The following NEDD4 variants were observed in gnomAD, a reference collection of about 807,000 sequenced individuals.
The protein encoded by NEDD4 is NEDD4 E3 ubiquitin protein ligase, also known as E3 ubiquitin-protein ligase NEDD4.
NEDD4 carries 99 observed loss-of-function variants against 144.9 expected under a neutral mutation model. The observed-to-expected ratio is 0.68, with a 90% CI of 0.58 to 0.81. NEDD4 has a LOEUF of 0.81. NEDD4 is among the 30% of genes least tolerant of loss of function. The pLI, the probability that NEDD4 is intolerant of heterozygous loss-of-function variation, is 0.00. For synonymous variants in NEDD4, 318 were observed against 350.6 expected, an observed-to-expected ratio of 0.91 and a Z score of 1.04; for missense variants, 985 against 1,065.9, an observed-to-expected ratio of 0.92 and a Z score of 1.06.
chr15:55,892,126 C>A (rs530199510), intron 5 of NEDD4, among the ~76,000 whole-genome samples: 1 of 151,652 alleles, frequency 6.6e-6, no homozygotes, highest in Non-Finnish European at 1.5e-5. Flanking sequence ...ATTAGCCAGG[C>A]GTGGTGGTGG....
chr15:55,856,974 G>T (rs1171061462), intron 11 of NEDD4, among the ~76,000 whole-genome samples: 1 of 152,198 alleles, frequency 6.6e-6, no homozygotes, highest in Non-Finnish European at 1.5e-5. Flanking sequence ...GGAGACTGGT[G>T]AAATGCCTTA....
rs754586873 is a variant in NEDD4, at chr15:55,860,419, T to G, written c.948A>C (p.Pro316=). Residue 316 remains proline, a synonymous_variant, in exon 11 of 29, where the codon CCA becomes CCC. Coordinates refer to ENST00000435532, the MANE Select transcript of NEDD4 (RefSeq NM_006154.4). ...AAGAGCATCTTACTGAGCTCGATGCTGGCTGGCTCACGGCTGAATTTCCAA... is the reference window on the plus strand; with the variant it reads ...AAGAGCATCTTACTGAGCTCGATGCGGGCTGGCTCACGGCTGAATTTCCAA... ...TIFGNSAVSQ[P]ASSSNHSSRR... is the part of the protein sequence containing the mutation. 5.0e-6 allele frequency: 8 copies of G among 1,614,010 alleles called. No individual in the cohort carries two copies. Among genetic ancestry groups the G allele is most frequent in the South Asian group, 2.2e-5 (2 of 91,066 alleles).
At chr15:55,943,159 T>A (rs1251684345) in intron 4 of NEDD4, among the ~76,000 whole-genome samples, 3 of 152,184 alleles carry the variant, frequency 2.0e-5, no homozygotes, top group Non-Finnish European at 4.4e-5. Context: ...ACAGAAATGA[T>A]CTGAAACTGG....
intron 5 of NEDD4, among the ~76,000 whole-genome samples, chr15:55,912,556 G>A (rs1169224399): frequency 2.0e-5 from 3 of 152,014 alleles, no homozygotes; most frequent in African/African-American, 7.2e-5. Context: ...AAATAATAGG[G>A]TACTGAAATC....
At chr15:55,905,277 C>T in intron 5 of NEDD4, 1 of 455,860 alleles carries the variant, frequency 2.2e-6, no homozygotes, top group Non-Finnish European at 4.4e-6. Context: ...TGTCACTAAC[C>T]ATGGCTGTAA....
chr15:55,915,143 TA>T, intron 5 of NEDD4: 1 of 638,852 alleles, frequency 1.6e-6, no homozygotes. Context: ...TTTACAAATA[TA>T]AAATTTATGA....
intron 11 of NEDD4, among the ~76,000 whole-genome samples, chr15:55,858,453 G>A (rs1286725963): frequency 1.3e-5 from 2 of 152,048 alleles, no homozygotes; most frequent in Non-Finnish European, 2.9e-5. Flanking sequence ...GATTACAGGT[G>A]TGCACCACCA....
intron 2 of NEDD4, 122 bp from the exon 3 acceptor site, chr15:55,951,711 A>T: frequency 1.3e-6 from 1 of 751,066 alleles, no homozygotes; most frequent in Admixed American, 4.0e-5. Context: ...TATTTCCTGA[A>T]TTTAAAAGTC....
At chr15:55,980,284 G>A (rs1165066751) in intron 1 of NEDD4, among the ~76,000 whole-genome samples, 1 of 152,092 alleles carries the variant, frequency 6.6e-6, no homozygotes, top group Non-Finnish European at 1.5e-5. Context: ...AATACTTGGC[G>A]CACAGTAGGG....
intron 22 of NEDD4, 88 bp downstream of exon 22, chr15:55,838,421 G>T: frequency 3.2e-6 from 3 of 927,474 alleles, no homozygotes; most frequent in Non-Finnish European, 5.1e-6. Flanking sequence ...TAAAAACAGA[G>T]CCTAGGAATG....
intron 5 of NEDD4, among the ~76,000 whole-genome samples, chr15:55,900,861 A>G (rs535384741): frequency 1.6e-4 from 24 of 152,206 alleles, no homozygotes; most frequent in Non-Finnish European, 2.9e-4. Flanking sequence ...TATTAATAAT[A>G]TTTTGTTTAA....
Position 55,970,848 on chromosome 15 carries a change from G to T in NEDD4, c.46-4302C>A, listed in dbSNP as rs747826064. Among the ~76,000 whole-genome samples, 4 of 152,146 alleles carry T rather than the reference G, an allele frequency of 2.6e-5. 1 individual carries two copies. The highest frequency in any genetic ancestry group is 5.9e-5 in the Non-Finnish European group (4 of 68,028). On this transcript the variant is annotated intron_variant, in intron 1 of 28. Coordinates refer to ENST00000435532, the MANE Select transcript of NEDD4 (RefSeq NM_006154.4). ...AAACCAGCCCAGACTGTGAAGATTA[G>T]AATAAATACCTAACTCTTTAATGTT... is the stretch of plus-strand genomic sequence containing the variant.
chr15:55,950,442 A>C (rs556134625), intron 4 of NEDD4, among the ~76,000 whole-genome samples: 1 of 152,354 alleles, frequency 6.6e-6, no homozygotes, highest in African/African-American at 2.4e-5. Flanking sequence ...GAAGTACAGA[A>C]GAACGGCTTC....
chr15:55,924,487 G>C lies in NEDD4; in HGVS notation c.291+159C>G, dbSNP rs1229571857. The C allele has an allele frequency of 2.3e-5, 14 of 614,314 alleles. No homozygotes were observed. The East Asian group carries it at 3.9e-4, about 17-fold the overall frequency. The allele number at this position is 614,314 out of a possible 1,614,324, so 38.1% of individuals were successfully genotyped here. ...GGAAAGGGAGCGAGTAGGACCAGGAGGAAGAAAACAAATTCTATCTCCCTC... is the reference window on the plus strand; with the variant it reads ...GGAAAGGGAGCGAGTAGGACCAGGACGAAGAAAACAAATTCTATCTCCCTC... On this transcript the variant is annotated intron_variant, in intron 5 of 28. Transcript: ENST00000435532.
At chr15:55,968,605 C>T (rs1169036910) in intron 1 of NEDD4, among the ~76,000 whole-genome samples, 2 of 152,076 alleles carry the variant, frequency 1.3e-5, no homozygotes, top group Non-Finnish European at 2.9e-5. Flanking sequence ...GTACAAGATA[C>T]CATATAGAAT....
At chr15:55,924,839 G>A in intron 4 of NEDD4, 140 bp from the exon 5 acceptor site, 2 of 727,392 alleles carry the variant, frequency 2.7e-6, no homozygotes, top group Non-Finnish European at 4.6e-6. Flanking sequence ...AGGCCGAGGT[G>A]GGTGGATCGC....
At chr15:55,955,418 C>T (rs1280228860) in intron 2 of NEDD4, among the ~76,000 whole-genome samples, 3 of 152,122 alleles carry the variant, frequency 2.0e-5, no homozygotes, top group African/African-American at 4.8e-5. Flanking sequence ...GCTTATTCTT[C>T]CTGCTTGACT....
intron 24 of NEDD4, among the ~76,000 whole-genome samples, chr15:55,835,974 G>A (rs532569570): frequency 6.6e-6 from 1 of 152,108 alleles, no homozygotes; most frequent in Non-Finnish European, 1.5e-5. Context: ...CCCTGTATAA[G>A]CTGGTCTGTT....
intron 11 of NEDD4, 120 bp downstream of exon 11, chr15:55,860,287 A>T: frequency 1.0e-6 from 1 of 955,840 alleles, no homozygotes; most frequent in Non-Finnish European, 1.6e-6. Flanking sequence ...CAAGGTCCCT[A>T]ATGTATTATT....
Sources: allele counts gnomAD v4.1 joint callset (sites outside exome capture counted in the v4.1 genomes callset), GRCh38; gene constraint gnomAD v4.1.1; transcripts MANE v1.5; gene names NCBI Gene and HGNC (gene_info 2026-07-23, HGNC 2026-07-21).